The following IL6R variants were observed in gnomAD, a reference collection of about 807,000 sequenced individuals.
IL6R encodes interleukin-6 receptor subunit alpha.
IL6R carries 38 observed loss-of-function variants against 48.3 expected under a neutral mutation model. The observed-to-expected ratio is 0.79, with a 90% CI of 0.61 to 1.03. The LOEUF (loss-of-function observed/expected upper bound fraction) is 1.03. IL6R is among the 50% of genes least tolerant of loss of function. The pLI, the probability that IL6R is intolerant of heterozygous loss-of-function variation, is 0.00. For synonymous variants in IL6R, 264 were observed against 256.2 expected, an observed-to-expected ratio of 1.03 and a Z score of -0.29; for missense variants, 534 against 618.3, an observed-to-expected ratio of 0.86 and a Z score of 1.45.
At chr1:154,445,046 G>A (rs1303758491) in intron 6 of IL6R, 2 of 456,068 alleles carry the variant, frequency 4.4e-6, no homozygotes, top group Admixed American at 4.7e-5. Flanking sequence ...GTCTCCACTA[G>A]GCTTCTCTCC....
chr1:154,415,558 T>C (rs1216762023), intron 1 of IL6R, among the ~76,000 whole-genome samples: 4 of 152,280 alleles, frequency 2.6e-5, no homozygotes, highest in Non-Finnish European at 4.4e-5. Flanking sequence ...CCTCAGTCTC[T>C]TCTTCTGTCA....
intron 1 of IL6R, among the ~76,000 whole-genome samples, chr1:154,425,783 A>G (rs1688928233): frequency 7.1e-6 from 1 of 140,172 alleles, no homozygotes; most frequent in Non-Finnish European, 1.6e-5. Context: ...CAAGAAAAAG[A>G]AAAAAAAAAA....
At chr1:154,435,917 G>GCCCAGCACCATCCTGGATACCTC (rs1689597828) in intron 5 of IL6R, 52 bp from the exon 6 acceptor site, 1 of 1,514,018 alleles carries the variant, frequency 6.6e-7, no homozygotes, top group Admixed American at 1.8e-5. Context: ...GGTGCTACCT[G>GCCCAGCACCATCCTGGATACCTC]CCCAGCACCA....
At chr1:154,414,926 A>C in intron 1 of IL6R, 1 of 1,058,246 alleles carries the variant, frequency 9.4e-7, no homozygotes, top group Non-Finnish European at 1.4e-6. Context: ...TGGCGCTGGA[A>C]GGAGGGGATG....
At chr1:154,440,181 C>G (rs1424860896) in intron 6 of IL6R, among the ~76,000 whole-genome samples, 1 of 152,206 alleles carries the variant, frequency 6.6e-6, no homozygotes, top group Non-Finnish European at 1.5e-5. Context: ...TGACTTATTT[C>G]ACTTAGCATA....
chr1:154,454,464 T>A, intron 8 of IL6R, 24 bp from the exon 9 acceptor site: 1 of 1,464,552 alleles, frequency 6.8e-7, no homozygotes, highest in Non-Finnish European at 9.6e-7. Context: ...TCCTCCTCTA[T>A]CTTCAATTTT....
intron 6 of IL6R, 117 bp downstream of exon 6, chr1:154,436,227 A>C (rs1037743265): frequency 6.0e-4 from 708 of 1,173,576 alleles, no homozygotes; most frequent in Non-Finnish European, 7.7e-4. Context: ...GTGGTGGCTC[A>C]CACCTGTAAT....
chr1:154,461,922 T>C (rs1400937660), intron 9 of IL6R, among the ~76,000 whole-genome samples: 1 of 152,104 alleles, frequency 6.6e-6, no homozygotes, highest in Admixed American at 6.5e-5. Flanking sequence ...TCTGTGAGGG[T>C]CTTCAAACTG....
rs886765224 is a variant in IL6R, at chr1:154,442,459, T to C, written c.950-5666T>C. Among the ~76,000 whole-genome samples the C allele has an allele frequency of 2.8e-4, 43 of 152,252 alleles. 1 individual carries two copies. Among genetic ancestry groups the C allele is most frequent in the African/African-American group, 1.0e-3 (43 of 41,544 alleles). On this transcript the variant is annotated intron_variant, in intron 6 of 9. Transcript: ENST00000368485. The stretch of plus-strand genomic sequence containing the variant: ...CCGACACGTGTGTGGGTGGGTGGTC[T>C]GAGTGGGACAGGTGGAGGCCGGCCT...
Position 154,465,396 on chromosome 1 carries a change from C to T in IL6R, c.*16C>T, listed in dbSNP as rs1691507649. 1 of 1,613,916 alleles carries T rather than the reference C, an allele frequency of 6.2e-7. No individual in the cohort carries two copies. Among genetic ancestry groups the T allele is most frequent in the East Asian group, 2.2e-5 (1 of 44,890 alleles). On this transcript the variant is annotated 3_prime_UTR_variant, in exon 10 of 10. Transcript: ENST00000368485. ...CCCCAGATAGCTGGCTGGGTGGCAC[C>T]AGCAGCCTGGACCCTGTGGATGATA...
At position 154,448,744 on chromosome 1, in the gene IL6R, G is replaced by C. The variant is rs568156903; in HGVS notation, c.996+573G>C. Reference sequence around the variant, plus strand: ...TGAAGCCCATACCCATGGGGCTAGAGTGCTCCCAACACGGGTTCTGGGGAA... The same window carrying C: ...TGAAGCCCATACCCATGGGGCTAGACTGCTCCCAACACGGGTTCTGGGGAA... On this transcript the variant is annotated intron_variant, in intron 7 of 9. Coordinates refer to ENST00000368485, the MANE Select transcript of IL6R (RefSeq NM_000565.4). 3.3e-5 allele frequency among the ~76,000 whole-genome samples: 5 copies of C among 152,242 alleles called. No homozygotes were observed. The South Asian group carries it at 1.0e-3, about 32-fold the overall frequency.
Position 154,446,031 on chromosome 1 carries a change from C to T in IL6R, c.950-2094C>T, listed in dbSNP as rs574640551. ...TCTCCAGCCTCAGTCTCCCAAAGTG[C>T]TGGGATTACAGGTGTGAGTCCGGCC... is the stretch of plus-strand genomic sequence containing the variant. On this transcript the variant is annotated intron_variant, in intron 6 of 9. Transcript: ENST00000368485. Among the ~76,000 whole-genome samples, 6 of 152,186 alleles carry T rather than the reference C, an allele frequency of 3.9e-5. No homozygotes were observed. The South Asian group carries it at 1.2e-3, about 32-fold the overall frequency.
intron 6 of IL6R, among the ~76,000 whole-genome samples, chr1:154,440,459 AT>A (rs1358368561): frequency 2.6e-5 from 4 of 151,982 alleles, no homozygotes; most frequent in Non-Finnish European, 5.9e-5. Flanking sequence ...CTATTTTTAA[AT>A]TTTCATGGAA....
intron 5 of IL6R, among the ~76,000 whole-genome samples, 170 bp downstream of exon 5, chr1:154,435,326 A>G (rs538743454): frequency 2.0e-5 from 3 of 152,240 alleles, no homozygotes; most frequent in South Asian, 4.1e-4. Flanking sequence ...CCTGGCCAAC[A>G]TGGTGAAATA....
intron 6 of IL6R, among the ~76,000 whole-genome samples, chr1:154,443,107 G>A (rs1267813676): frequency 6.6e-6 from 1 of 152,112 alleles, no homozygotes; most frequent in East Asian, 1.9e-4. Context: ...AAGCCCATTA[G>A]GTATAAGGGG....
At chr1:154,446,565 C>T (rs1690241104) in intron 6 of IL6R, among the ~76,000 whole-genome samples, 1 of 152,178 alleles carries the variant, frequency 6.6e-6, no homozygotes, top group African/African-American at 2.4e-5. Context: ...GCATTCCACT[C>T]ACTGCCTGTT....
At chr1:154,450,853 T>A (rs1690543978) in intron 8 of IL6R, among the ~76,000 whole-genome samples, 1 of 152,250 alleles carries the variant, frequency 6.6e-6, no homozygotes, top group African/African-American at 2.4e-5. Flanking sequence ...GGTGGATTCC[T>A]GCCTGCACTG....
intron 6 of IL6R, among the ~76,000 whole-genome samples, chr1:154,441,098 A>C (rs948236744): frequency 2.6e-5 from 4 of 152,226 alleles, no homozygotes; most frequent in African/African-American, 9.6e-5. Flanking sequence ...CAAATTTCCT[A>C]GTCTGCTCTC....
chr1:154,437,705 C>T (rs1412104764), intron 6 of IL6R, among the ~76,000 whole-genome samples: 1 of 151,742 alleles, frequency 6.6e-6, no homozygotes, highest in African/African-American at 2.4e-5. Flanking sequence ...AGCCACTGCA[C>T]CTGACTAAAC....
Sources: allele counts gnomAD v4.1 joint callset (sites outside exome capture counted in the v4.1 genomes callset), GRCh38; gene constraint gnomAD v4.1.1; transcripts MANE v1.5; gene names NCBI Gene and HGNC (gene_info 2026-07-23, HGNC 2026-07-21).